KSR1: variants seen among roughly 807,000 people sequenced by gnomAD.
KSR1 encodes the protein kinase suppressor of ras.
A neutral mutation model predicts 92.9 loss-of-function variants in KSR1; 35 were observed. That is an observed-to-expected ratio of 0.38 (90% CI 0.29 to 0.50). KSR1 has a LOEUF of 0.50. Ranked by LOEUF, KSR1 falls within the 20% of genes least tolerant of loss-of-function variation. The pLI, the probability that KSR1 is intolerant of heterozygous loss-of-function variation, is 0.94. For synonymous variants in KSR1, 467 were observed against 472.6 expected (o/e 0.99, Z 0.15); for missense variants, 972 against 1,158.5 (o/e 0.84, Z 2.34).
chr17:27,483,138 G>T (rs1028141887), intron 1 of KSR1, among the ~76,000 whole-genome samples: 1 of 151,992 alleles, frequency 6.6e-6, no homozygotes, highest in Non-Finnish European at 1.5e-5. Flanking sequence ...TTTTTCAAGT[G>T]TGTGAACTAG....
chr17:27,615,217 C>CA (rs1311283721), intron 18 of KSR1, among the ~76,000 whole-genome samples: 1 of 152,244 alleles, frequency 6.6e-6, no homozygotes, highest in Non-Finnish European at 1.5e-5. Flanking sequence ...TCAGCTCTCC[C>CA]ATTACTTATT....
At chr17:27,597,105 CTG>C (rs1363418489) in intron 9 of KSR1, among the ~76,000 whole-genome samples, 161 bp from the exon 10 acceptor site, 1 of 152,230 alleles carries the variant, frequency 6.6e-6, no homozygotes, top group Admixed American at 6.5e-5. Context: ...GCGAGGGCCT[CTG>C]TGCGCTGCCC....
At chr17:27,562,029 A>G (rs937681223) in intron 2 of KSR1, among the ~76,000 whole-genome samples, 11 of 152,176 alleles carry the variant, frequency 7.2e-5, no homozygotes, top group African/African-American at 2.7e-4. Context: ...TATTTTTAGT[A>G]GAGACGGGTT....
chr17:27,526,598 A>T, intron 1 of KSR1: 1 of 1,581,430 alleles, frequency 6.3e-7, no homozygotes, highest in Non-Finnish European at 8.7e-7. Flanking sequence ...TGTAAGATGG[A>T]CATTTGTTGA....
chr17:27,547,652 T>A (rs1567813738), intron 1 of KSR1, among the ~76,000 whole-genome samples: 1 of 152,202 alleles, frequency 6.6e-6, no homozygotes, highest in East Asian at 1.9e-4. Flanking sequence ...AGAGTCTTGC[T>A]CTGTCACCCA....
Position 27,456,754 on chromosome 17 carries a change from G to C in KSR1, c.111G>C (p.Ala37=), listed in dbSNP as rs145369830. ...EGGAGAAASR[A]LQQCGQLQKL... The stretch of plus-strand genomic sequence containing the variant: ...GCGCAGGGGCCGCGGCCAGCCGGGC[G>C]CTGCAGCAGTGCGGGCAGCTCCAGA... The change falls in exon 1 of 21, where the codon GCG becomes GCC. Residue 37 remains alanine (A), a synonymous_variant. Transcript: ENST00000644974. The C allele has an allele frequency of 9.2e-6, 14 of 1,526,162 alleles. No individual in the cohort carries two copies. The highest frequency in any genetic ancestry group is 1.2e-5 in the Non-Finnish European group (13 of 1,117,038). The allele number at this position is 1,526,162 out of a possible 1,614,324, so 94.5% of individuals were successfully genotyped here.
At position 27,456,701 on chromosome 17, in the gene KSR1, G is replaced by C. The variant is rs759158606; in HGVS notation, c.58G>C (p.Gly20Arg). Residue 20 changes from glycine to arginine, a missense_variant, in exon 1 of 21, where the codon GGG becomes CGG. Gly to Arg is a moderately radical substitution (Grantham distance 125). Transcript: ENST00000644974. The stretch of plus-strand genomic sequence containing the variant: ...GGGAGAGAAGAAGGAGGGCGGTGGC[G>C]GGGGGGATGCGGCGGCCGCGGAGGG... ...AMGEKKEGGGGGDAAAAEGGA... is the reference protein window; with the variant it reads ...AMGEKKEGGGRGDAAAAEGGA... 1.4e-5 allele frequency: 11 copies of C among 811,618 alleles called. No homozygotes were observed. Among genetic ancestry groups the C allele is most frequent in the Middle Eastern group, 3.4e-4 (1 of 2,940 alleles). The allele number at this position is 811,618 out of a possible 1,614,324, so 50.3% of individuals were successfully genotyped here. A position where few individuals can be genotyped will look rare whatever the true frequency, so the allele number is the denominator to read the frequency against.
At chr17:27,531,308 A>G (rs2070527475) in intron 1 of KSR1, among the ~76,000 whole-genome samples, 1 of 152,268 alleles carries the variant, frequency 6.6e-6, no homozygotes, top group South Asian at 2.1e-4. Context: ...TGGCCTTGGC[A>G]CTGCAGGGCG....
intron 1 of KSR1, among the ~76,000 whole-genome samples, chr17:27,511,498 A>G (rs973581383): frequency 6.6e-6 from 1 of 152,206 alleles, no homozygotes; most frequent in African/African-American, 2.4e-5. Flanking sequence ...GAGAAAGACA[A>G]GAAAACAGCC....
chr17:27,542,056 T>C (rs1443857784), intron 1 of KSR1, among the ~76,000 whole-genome samples: 1 of 152,224 alleles, frequency 6.6e-6, no homozygotes, highest in East Asian at 1.9e-4. Context: ...TTGTATTTTG[T>C]GGAGGGAATG....
chr17:27,590,345 A>G (rs1046765307), intron 6 of KSR1, among the ~76,000 whole-genome samples: 5 of 152,230 alleles, frequency 3.3e-5, no homozygotes, highest in Admixed American at 3.3e-4. Context: ...TTCTTGCTGC[A>G]TAGTATTCCA....
intron 15 of KSR1, among the ~76,000 whole-genome samples, 192 bp from the exon 16 acceptor site, chr17:27,609,004 T>C (rs1350655009): frequency 6.6e-6 from 1 of 152,246 alleles, no homozygotes; most frequent in Non-Finnish European, 1.5e-5. Flanking sequence ...TCAGCTCTGC[T>C]TCTTCACTGC....
chr17:27,604,844 C>A, intron 13 of KSR1, 116 bp downstream of exon 13: 1 of 996,498 alleles, frequency 1.0e-6, no homozygotes, highest in Non-Finnish European at 1.6e-6. Context: ...AAGGGCTGTC[C>A]CAGGCACCCA....
intron 2 of KSR1, among the ~76,000 whole-genome samples, chr17:27,556,955 C>T (rs2071618330): frequency 6.6e-6 from 1 of 152,218 alleles, no homozygotes; most frequent in Non-Finnish European, 1.5e-5. Flanking sequence ...TAGAGAGCCC[C>T]TAAAGGGCCA....
chr17:27,537,614 C>T lies in KSR1; in HGVS notation c.232-12954C>T, dbSNP rs547424131. ...GCTGAGGTGGGAGATCGCTTGAACC[C>T]GGGAGGCGGAGGTTGCAATGAGCCG... On this transcript the variant is annotated intron_variant, in intron 1 of 20. Transcript: ENST00000644974. Among the ~76,000 whole-genome samples the T allele has an allele frequency of 4.1e-4, 63 of 152,156 alleles. 1 individual carries two copies. Among genetic ancestry groups the T allele is most frequent in the African/African-American group, 1.5e-3 (61 of 41,508 alleles).
chr17:27,585,937 C>T, intron 5 of KSR1: 3 of 463,026 alleles, frequency 6.5e-6, no homozygotes, highest in Non-Finnish European at 1.2e-5. Flanking sequence ...AGCCCTGTCT[C>T]CACCTTGCCC....
chr17:27,469,371 T>C (rs1168245114), intron 1 of KSR1, among the ~76,000 whole-genome samples: 3 of 152,210 alleles, frequency 2.0e-5, no homozygotes, highest in African/African-American at 7.2e-5. Context: ...TTGCTGGCTG[T>C]TTCAGTCTCT....
chr17:27,571,256 C>T (rs867818062), intron 2 of KSR1, among the ~76,000 whole-genome samples: 3 of 152,198 alleles, frequency 2.0e-5, no homozygotes, highest in African/African-American at 7.2e-5. Context: ...TGTGGAAGCC[C>T]CTGGAGGCTG....
chr17:27,615,000 C>G (rs2074018974), intron 18 of KSR1, among the ~76,000 whole-genome samples: 1 of 152,326 alleles, frequency 6.6e-6, no homozygotes, highest in East Asian at 1.9e-4. Context: ...TATAGTTCAC[C>G]ACCAGGCACT....
Sources: allele counts gnomAD v4.1 joint callset (sites outside exome capture counted in the v4.1 genomes callset), GRCh38; gene constraint gnomAD v4.1.1; transcripts MANE v1.5; gene names NCBI Gene and HGNC (gene_info 2026-07-23, HGNC 2026-07-21).